The following HLCS variants were observed in gnomAD, a reference collection of about 807,000 sequenced individuals.
The protein encoded by HLCS is holocarboxylase synthetase.
A neutral mutation model predicts 75.0 loss-of-function variants in HLCS; 53 were observed. The observed-to-expected ratio is 0.71, with a 90% confidence interval of 0.57 to 0.89. HLCS has a LOEUF of 0.89. HLCS is among the 40% of genes least tolerant of loss of function. The pLI, the probability that HLCS is intolerant of heterozygous loss-of-function variation, is 0.00. For synonymous variants in HLCS, 431 were observed against 428.6 expected, an observed-to-expected ratio of 1.01 and a Z score of -0.07; for missense variants, 966 against 1,074.0, an observed-to-expected ratio of 0.90 and a Z score of 1.41.
chr21:36,958,768 A>G (rs4817833), intron 2 of HLCS, among the ~76,000 whole-genome samples: 93,407 of 151,916 alleles, frequency 0.61, 29,025 homozygotes, highest in East Asian at 0.75. Flanking sequence ...CAGCCTGGGC[A>G]ACACAGCAAG....
intron 5 of HLCS, among the ~76,000 whole-genome samples, chr21:36,906,269 CG>C (rs1189291428): frequency 6.6e-6 from 1 of 152,006 alleles, no homozygotes; most frequent in Admixed American, 6.6e-5. Context: ...AACTCATACT[CG>C]TAATCCCAGC....
At chr21:36,774,409 C>T (rs2060296415) in intron 6 of HLCS, among the ~76,000 whole-genome samples, 1 of 152,124 alleles carries the variant, frequency 6.6e-6, no homozygotes. Flanking sequence ...CTCAGTCTCT[C>T]CAGTCACCTA....
chr21:36,835,878 G>T (rs1390574109), intron 6 of HLCS, among the ~76,000 whole-genome samples: 1 of 151,962 alleles, frequency 6.6e-6, no homozygotes, highest in Non-Finnish European at 1.5e-5. Context: ...GGGCCCTTTT[G>T]TGTGTTCTTA....
chr21:36,989,905 G>A (rs1237339625), intron 1 of HLCS, among the ~76,000 whole-genome samples: 2 of 151,854 alleles, frequency 1.3e-5, no homozygotes. Context: ...CCGCAGGGAA[G>A]AACGCCAGCG....
At chr21:36,786,147 C>T (rs534252058) in intron 6 of HLCS, among the ~76,000 whole-genome samples, 1 of 152,318 alleles carries the variant, frequency 6.6e-6, no homozygotes, top group African/African-American at 2.4e-5. Flanking sequence ...TTGCCTTCAT[C>T]TTGCCTCTTC....
chr21:36,937,855 A>T (rs971870473), intron 3 of HLCS, among the ~76,000 whole-genome samples: 7 of 152,222 alleles, frequency 4.6e-5, no homozygotes, highest in Non-Finnish European at 1.0e-4. Flanking sequence ...GATTCTTCCC[A>T]GTATCTTGTC....
chr21:36,792,132 G>A (rs1018207359), intron 6 of HLCS, among the ~76,000 whole-genome samples: 9 of 152,074 alleles, frequency 5.9e-5, no homozygotes, highest in Non-Finnish European at 1.3e-4. Context: ...TCAGCACCGG[G>A]TCCCTAAATC....
intron 6 of HLCS, among the ~76,000 whole-genome samples, chr21:36,770,581 T>C (rs2060174335): frequency 1.3e-5 from 2 of 152,094 alleles, no homozygotes; most frequent in South Asian, 4.1e-4. Flanking sequence ...TGGGTAACCT[T>C]TCTTTTTTTT....
chr21:36,779,321 TTC>T (rs1249267970), intron 6 of HLCS, among the ~76,000 whole-genome samples: 1 of 150,520 alleles, frequency 6.6e-6, no homozygotes, highest in Non-Finnish European at 1.5e-5. Context: ...CCCTCCTTCC[TTC>T]TTTCTTTCTT....
intron 6 of HLCS, among the ~76,000 whole-genome samples, chr21:36,795,207 C>T (rs2060990465): frequency 6.6e-6 from 1 of 152,056 alleles, no homozygotes; most frequent in African/African-American, 2.4e-5. Context: ...TTAGCAAACA[C>T]GAAGCATGGT....
intron 6 of HLCS, among the ~76,000 whole-genome samples, chr21:36,783,810 C>T (rs2060605427): frequency 6.8e-6 from 1 of 146,300 alleles, no homozygotes; most frequent in African/African-American, 2.4e-5. Flanking sequence ...CATGCACACA[C>T]ACACATGCAC....
rs1356763086 is a variant in HLCS, at chr21:36,853,183, C to CA, written c.1892+43676dup. On this transcript the variant is annotated intron_variant, in intron 6 of 10. Coordinates refer to ENST00000674895, the MANE Select transcript of HLCS (RefSeq NM_001352514.2). ...ACACAGGTACAAATGGTCTTAAGGG[C>CA]AAAAAAATCCACAGAGCCTCACTCT... 6.6e-5 allele frequency among the ~76,000 whole-genome samples: 10 copies of CA among 152,148 alleles called. 1 individual carries two copies. The highest frequency in any genetic ancestry group is 1.9e-4 in the African/African-American group (8 of 41,518).
chr21:36,779,236 C>A (rs754424176), intron 6 of HLCS, among the ~76,000 whole-genome samples: 15 of 152,126 alleles, frequency 9.9e-5, no homozygotes, highest in Non-Finnish European at 1.9e-4. Context: ...TAGACCCCTG[C>A]AGTTCATACC....
At chr21:36,989,200 G>A (rs2069289891) in intron 1 of HLCS, among the ~76,000 whole-genome samples, 1 of 151,162 alleles carries the variant, frequency 6.6e-6, no homozygotes, top group Non-Finnish European at 1.5e-5. Flanking sequence ...TTTGCAGAGG[G>A]GTTTTCGCCA....
intron 5 of HLCS, among the ~76,000 whole-genome samples, chr21:36,921,369 C>T (rs555756079): frequency 2.0e-5 from 3 of 152,114 alleles, no homozygotes; most frequent in Non-Finnish European, 4.4e-5. Context: ...CGCTTGAACC[C>T]GGGAGGTGGA....
At chr21:36,955,586 G>A (rs567504774) in intron 2 of HLCS, among the ~76,000 whole-genome samples, 8 of 151,898 alleles carry the variant, frequency 5.3e-5, no homozygotes, top group South Asian at 2.1e-4. Flanking sequence ...CTGTTATTAC[G>A]AAAGAATCAA....
chr21:36,874,345 T>TCCG, intron 6 of HLCS, among the ~76,000 whole-genome samples: 1 of 151,048 alleles, frequency 6.6e-6, no homozygotes, highest in South Asian at 2.1e-4. Flanking sequence ...GAGCTTGCAG[T>TCCG]GAGCCGAGAT....
chr21:36,961,256 T>C (rs948462867), intron 2 of HLCS, among the ~76,000 whole-genome samples: 14 of 152,180 alleles, frequency 9.2e-5, no homozygotes, highest in African/African-American at 3.4e-4. Flanking sequence ...CAGGTTGATT[T>C]AGGAAGCAAG....
chr21:36,773,908 A>C (rs778718079), intron 6 of HLCS, among the ~76,000 whole-genome samples: 6 of 152,210 alleles, frequency 3.9e-5, no homozygotes, highest in East Asian at 1.9e-4. Context: ...CAACCATTAC[A>C]TCTGAGTAGC....
Sources: allele counts gnomAD v4.1 joint callset (sites outside exome capture counted in the v4.1 genomes callset), GRCh38; gene constraint gnomAD v4.1.1; transcripts MANE v1.5; gene names NCBI Gene and HGNC (gene_info 2026-07-23, HGNC 2026-07-21).